NPLOC4: variants seen among roughly 807,000 people sequenced by gnomAD.
NPLOC4 encodes nuclear protein localization protein 4 homolog.
NPLOC4 carries 18 observed loss-of-function variants against 80.6 expected under a neutral mutation model. That is an observed-to-expected ratio of 0.22 (90% CI 0.15 to 0.33). The LOEUF (loss-of-function observed/expected upper bound fraction) is 0.33, where lower values mean the gene tolerates loss of function less well. Ranked by LOEUF, NPLOC4 falls within the 10% of genes least tolerant of loss-of-function variation. The pLI, the probability that NPLOC4 is intolerant of heterozygous loss-of-function variation, is 1.00. For synonymous variants in NPLOC4, 313 were observed against 301.5 expected (o/e 1.04, Z -0.39); for missense variants, 540 against 786.1 (o/e 0.69, Z 3.74).
chr17:81,619,423 C>G (rs911889474), intron 3 of NPLOC4, among the ~76,000 whole-genome samples: 29 of 151,606 alleles, frequency 1.9e-4, no homozygotes, highest in Admixed American at 1.9e-3. Context: ...GTGGCACATG[C>G]CTGTAATCCC....
At chr17:81,616,320 C>T (rs1337055927) in intron 3 of NPLOC4, among the ~76,000 whole-genome samples, 1 of 38,456 alleles carries the variant, frequency 2.6e-5, no homozygotes, top group African/African-American at 1.0e-4. Context: ...GACTCTGTCT[C>T]AAAAAAAAAA....
chr17:81,624,011 G>A (rs560818907), intron 2 of NPLOC4, among the ~76,000 whole-genome samples: 7 of 152,298 alleles, frequency 4.6e-5, no homozygotes, highest in South Asian at 2.1e-4. Context: ...CTGGCCGGGC[G>A]TGGTGGCTCA....
At chr17:81,632,395 CTCTGCCTCCCCGGTTCA>C (rs2035956776) in intron 1 of NPLOC4, among the ~76,000 whole-genome samples, 1 of 151,510 alleles carries the variant, frequency 6.6e-6, no homozygotes, top group Non-Finnish European at 1.5e-5. Flanking sequence ...TCACTGCAAC[CTCTGCCTCCCCGGTTCA>C]AGTGATTCTC....
At chr17:81,590,289 C>T (rs1382104783) in intron 11 of NPLOC4, among the ~76,000 whole-genome samples, 2 of 152,168 alleles carry the variant, frequency 1.3e-5, no homozygotes, top group East Asian at 1.9e-4. Flanking sequence ...CCATCGAAGC[C>T]TCCAGAATGA....
intron 9 of NPLOC4, among the ~76,000 whole-genome samples, chr17:81,597,800 A>T (rs1000504566): frequency 6.7e-6 from 1 of 149,970 alleles, no homozygotes; most frequent in African/African-American, 2.5e-5. Context: ...AAAAAAAAAA[A>T]ATTAGCTGGG....
intron 1 of NPLOC4, among the ~76,000 whole-genome samples, chr17:81,634,400 A>G (rs1429044630): frequency 6.6e-6 from 1 of 152,148 alleles, no homozygotes; most frequent in African/African-American, 2.4e-5. Flanking sequence ...GAGACATTCA[A>G]CGAGATCCAA....
chr17:81,596,308 T>C, intron 10 of NPLOC4, 66 bp from the exon 11 acceptor site: 2 of 1,539,820 alleles, frequency 1.3e-6, no homozygotes, highest in Non-Finnish European at 1.8e-6. Context: ...CTATTTCTTC[T>C]TTAAAAAATA....
intron 2 of NPLOC4, among the ~76,000 whole-genome samples, chr17:81,627,343 G>T (rs1568167441): frequency 6.6e-6 from 1 of 150,760 alleles, no homozygotes; most frequent in Non-Finnish European, 1.5e-5. Flanking sequence ...AGTGAGCCGA[G>T]ATCGCGCCAC....
At position 81,637,016 on chromosome 17, in the gene NPLOC4, GC is replaced by G; in HGVS notation, c.-87del. The G allele has an allele frequency of 1.2e-6, 1 of 839,170 alleles. No homozygotes were observed. The highest frequency in any genetic ancestry group is 1.6e-6 in the Non-Finnish European group (1 of 643,460). The allele number at this position is 839,170 out of a possible 1,614,324, so 52.0% of individuals were successfully genotyped here. On this transcript the variant is annotated 5_prime_UTR_variant, in exon 1 of 17. Transcript: ENST00000331134. Reference sequence around the variant, plus strand: ...CCTCGCAGACCCGGCCGCGGCCTCAGCCCCGGCCCCGGCCTCCCTACGCCGC... The same window carrying G: ...CCTCGCAGACCCGGCCGCGGCCTCAGCCCGGCCCCGGCCTCCCTACGCCGC...
rs190681325 is a variant in NPLOC4 at position 81,613,931 on chromosome 17, G to A, written c.210-437C>T. Among the ~76,000 whole-genome samples the A allele has an allele frequency of 1.6e-4, 24 of 151,992 alleles. No homozygotes were observed. The East Asian group carries it at 4.5e-3, about 28-fold the overall frequency. Reference sequence around the variant, plus strand: ...CATGTATCTCCACTGCTTTCTCGGCGTTCACATACACACGTAAGCACAGAC... The same window carrying A: ...CATGTATCTCCACTGCTTTCTCGGCATTCACATACACACGTAAGCACAGAC... On this transcript the variant is annotated intron_variant, in intron 3 of 16. Transcript: ENST00000331134.
intron 16 of NPLOC4, chr17:81,563,851 G>A: frequency 2.2e-6 from 1 of 445,614 alleles, no homozygotes; most frequent in South Asian, 1.6e-5. Context: ...GCAAACTAAT[G>A]CAGGAACAGC....
Position 81,565,559 on chromosome 17 carries a change from G to C in NPLOC4, c.1615C>G (p.Leu539Val). ...TCAGACCTCTTCCATGTCTGGGCGAGCTCCTCATTTCTGGTCCGCACGGCC... is the reference window on the plus strand; with the variant it reads ...TCAGACCTCTTCCATGTCTGGGCGACCTCCTCATTTCTGGTCCGCACGGCC... ...LEAVRTRNEELAQTWKRSEQW... is the reference protein window; with the variant it reads ...LEAVRTRNEEVAQTWKRSEQW... The change falls in exon 16 of 17, where the codon CTC (leucine) becomes GTC (valine). Residue 539 changes from leucine to valine, a missense_variant. By Grantham distance (32) the Leu-to-Val change is conservative (BLOSUM62 1). Around this residue, in one of 6 missense-constraint regions of NPLOC4, gnomAD observed 251 missense variants for 377.5 expected, o/e 0.66. Coordinates refer to ENST00000331134, the MANE Select transcript of NPLOC4 (RefSeq NM_017921.4). 1.3e-6 allele frequency: 2 copies of C among 1,556,238 alleles called. No homozygotes were observed. Among genetic ancestry groups the C allele is most frequent in the Non-Finnish European group, 1.7e-6 (2 of 1,150,666 alleles).
Position 81,605,293 on chromosome 17 carries a change from T to A in NPLOC4, c.655-566A>T, listed in dbSNP as rs575072442. On this transcript the variant is annotated intron_variant, in intron 7 of 16. Transcript: ENST00000331134. ...AAAACTCCATCTCAAAAAAAAAAAA[T>A]AAATAATAATAATAATAATCTGCTA... 6.7e-3 allele frequency among the ~76,000 whole-genome samples: 650 copies of A among 97,196 alleles called. 12 individuals carry two copies. Among genetic ancestry groups the A allele is most frequent in the Non-Finnish European group, 7.3e-3 (277 of 37,838 alleles). 63.8% of individuals were successfully genotyped at this position (97,196 alleles called of 152,430 possible).
At chr17:81,615,104 T>TTTC (rs2035445361) in intron 3 of NPLOC4, among the ~76,000 whole-genome samples, 1 of 32,538 alleles carries the variant, frequency 3.1e-5, no homozygotes, top group South Asian at 1.5e-3. Context: ...CTGTTTCTTT[T>TTTC]TTTTTTTTTT....
At chr17:81,574,948 T>C (rs949004577) in intron 12 of NPLOC4, among the ~76,000 whole-genome samples, 7 of 152,154 alleles carry the variant, frequency 4.6e-5, no homozygotes, top group Admixed American at 1.3e-4. Flanking sequence ...GTGAATTCCA[T>C]TGATTGAATG....
chr17:81,579,374 T>C (rs943697882), intron 12 of NPLOC4, among the ~76,000 whole-genome samples: 3 of 152,124 alleles, frequency 2.0e-5, no homozygotes, highest in Non-Finnish European at 4.4e-5. Flanking sequence ...CGAGACTCCA[T>C]CTCAAAAATA....
chr17:81,625,710 G>A (rs1053893613), intron 2 of NPLOC4, among the ~76,000 whole-genome samples: 10 of 151,176 alleles, frequency 6.6e-5, no homozygotes, highest in African/African-American at 2.2e-4. Context: ...CAGCCTGAGC[G>A]ACAGAGTGAG....
intron 8 of NPLOC4, among the ~76,000 whole-genome samples, chr17:81,601,271 G>C (rs1239072865): frequency 6.6e-6 from 1 of 152,128 alleles, no homozygotes; most frequent in East Asian, 1.9e-4. Flanking sequence ...TGAAAATCTG[G>C]CAAACCACAA....
At chr17:81,592,811 C>T (rs1197439540) in intron 11 of NPLOC4, among the ~76,000 whole-genome samples, 6 of 152,098 alleles carry the variant, frequency 3.9e-5, no homozygotes, top group East Asian at 1.9e-4. Context: ...TGGTGAAACC[C>T]CGTCTCTACA....
Sources: allele counts gnomAD v4.1 joint callset (sites outside exome capture counted in the v4.1 genomes callset), GRCh38; gene constraint gnomAD v4.1.1; regional missense constraint gnomAD v4.1.1; transcripts MANE v1.5; gene names NCBI Gene and HGNC (gene_info 2026-07-23, HGNC 2026-07-21).